The following ARHGAP24 variants were observed in gnomAD, a reference collection of about 807,000 sequenced individuals.
ARHGAP24 encodes Rho GTPase activating protein 24, also known as rho GTPase-activating protein 24.
In ARHGAP24, 50 loss-of-function variants were observed where a neutral mutation model predicts 76.4. The ratio of observed to expected loss-of-function variants is 0.65; its 90% CI spans 0.52 to 0.83. The LOEUF (loss-of-function observed/expected upper bound fraction) is 0.83, where lower values mean the gene tolerates loss of function less well. Ranked by LOEUF, ARHGAP24 falls within the 40% of genes least tolerant of loss-of-function variation. The probability of loss-of-function intolerance (pLI) is 0.00; values close to 1 mark genes in which losing one functional copy is unlikely to be tolerated. For synonymous variants in ARHGAP24, 345 were observed against 323.3 expected (o/e 1.07, Z -0.72); for missense variants, 930 against 914.2 (o/e 1.02, Z -0.22).
intron 1 of ARHGAP24, among the ~76,000 whole-genome samples, chr4:85,492,722 A>G (rs1386441175): frequency 3.3e-5 from 5 of 152,204 alleles, no homozygotes; most frequent in Admixed American, 2.6e-4. Context: ...TTTTTATTTC[A>G]AAATAATTTG....
chr4:85,699,777 G>A (rs1287405497), intron 2 of ARHGAP24, among the ~76,000 whole-genome samples: 1 of 151,948 alleles, frequency 6.6e-6, no homozygotes, highest in East Asian at 1.9e-4. Context: ...TTCATTTTGT[G>A]TATTGTTTAT....
At chr4:85,492,519 T>G (rs1468765392) in intron 1 of ARHGAP24, among the ~76,000 whole-genome samples, 1 of 152,200 alleles carries the variant, frequency 6.6e-6, no homozygotes, top group African/African-American at 2.4e-5. Context: ...AGAGTCAGTC[T>G]GCTCTAACAT....
At chr4:85,806,290 A>T (rs998577735) in intron 3 of ARHGAP24, among the ~76,000 whole-genome samples, 1 of 152,166 alleles carries the variant, frequency 6.6e-6, no homozygotes, top group African/African-American at 2.4e-5. Flanking sequence ...TTCTAAGGGG[A>T]GGTACATCTA....
At chr4:85,788,540 G>GT (rs1279610742) in intron 3 of ARHGAP24, among the ~76,000 whole-genome samples, 1 of 152,162 alleles carries the variant, frequency 6.6e-6, no homozygotes, top group African/African-American at 2.4e-5. Flanking sequence ...GACCATAGAG[G>GT]TGAGAGGATT....
At chr4:85,649,118 C>A (rs958002252) in intron 2 of ARHGAP24, among the ~76,000 whole-genome samples, 2 of 151,858 alleles carry the variant, frequency 1.3e-5, no homozygotes, top group Non-Finnish European at 2.9e-5. Flanking sequence ...CGGCTGATAT[C>A]TTGGAAAGGC....
chr4:85,572,752 C>CAT (rs10659611), intron 2 of ARHGAP24, among the ~76,000 whole-genome samples: 150,133 of 152,176 alleles, frequency 0.99, 74,088 homozygotes, highest in East Asian at 1. Context: ...ACAAACCAAA[C>CAT]AGACCATCAC....
chr4:85,692,526 A>AT (rs540046127), intron 2 of ARHGAP24, among the ~76,000 whole-genome samples: 8 of 151,742 alleles, frequency 5.3e-5, no homozygotes, highest in East Asian at 1.9e-4. Context: ...CATTTAAACA[A>AT]TTTTTTTTTC....
rs1314348011 is a variant in ARHGAP24 at position 85,974,884 on chromosome 4, T to C, written c.733-4T>C. The C allele has an allele frequency of 6.2e-7, 1 of 1,613,212 alleles. No homozygotes were observed. On this transcript the variant is annotated splice_polypyrimidine_tract_variant and splice_region_variant and intron_variant, in intron 6 of 9. Coordinates refer to ENST00000395184, the MANE Select transcript of ARHGAP24 (RefSeq NM_001025616.3). The stretch of plus-strand genomic sequence containing the variant: ...ATAATATTTATTTTCTTCTTTGTAC[T>C]CAGGGTGTTAAGGAATTAGCAAAGC...
chr4:85,620,582 A>G (rs1339964774), intron 2 of ARHGAP24, among the ~76,000 whole-genome samples: 2 of 150,986 alleles, frequency 1.3e-5, no homozygotes, highest in Non-Finnish European at 3.0e-5. Flanking sequence ...AATTTTGCTG[A>G]TTTTTCAGCA....
At chr4:85,898,927 A>G (rs192359463) in intron 3 of ARHGAP24, among the ~76,000 whole-genome samples, 1 of 152,176 alleles carries the variant, frequency 6.6e-6, no homozygotes, top group Admixed American at 6.5e-5. Context: ...TATGTTTAGT[A>G]GAGATGGAGT....
intron 2 of ARHGAP24, among the ~76,000 whole-genome samples, chr4:85,649,284 C>A (rs1461600391): frequency 6.6e-6 from 1 of 152,090 alleles, no homozygotes; most frequent in Non-Finnish European, 1.5e-5. Context: ...TCTTAATCAG[C>A]ATATTAAATC....
At chr4:85,509,881 G>A (rs754649126) in intron 1 of ARHGAP24, among the ~76,000 whole-genome samples, 5 of 151,860 alleles carry the variant, frequency 3.3e-5, no homozygotes, top group South Asian at 4.2e-4. Context: ...TTGTATTATC[G>A]GATGCTGTGA....
chr4:85,577,999 T>C (rs752002544), intron 2 of ARHGAP24, among the ~76,000 whole-genome samples: 1 of 152,164 alleles, frequency 6.6e-6, no homozygotes, highest in African/African-American at 2.4e-5. Context: ...GTGGTAAATA[T>C]CTTAGATTTT....
At chr4:85,964,282 A>G (rs958916571) in intron 5 of ARHGAP24, among the ~76,000 whole-genome samples, 1 of 152,040 alleles carries the variant, frequency 6.6e-6, no homozygotes, top group African/African-American at 2.4e-5. Flanking sequence ...TGGTGAGGCC[A>G]TCCACTGTGA....
chr4:85,767,865 G>A (rs1209228391), intron 3 of ARHGAP24, among the ~76,000 whole-genome samples: 1 of 152,178 alleles, frequency 6.6e-6, no homozygotes, highest in Non-Finnish European at 1.5e-5. Flanking sequence ...GGAATAGAGT[G>A]CATGTTTGTA....
At chr4:85,938,095 C>A (rs1414045468) in intron 4 of ARHGAP24, among the ~76,000 whole-genome samples, 1 of 152,172 alleles carries the variant, frequency 6.6e-6, no homozygotes, top group African/African-American at 2.4e-5. Context: ...TGGTTTCTCT[C>A]TTGTGTGCGC....
intron 3 of ARHGAP24, among the ~76,000 whole-genome samples, chr4:85,794,724 G>T (rs761682522): frequency 6.6e-6 from 1 of 152,284 alleles, no homozygotes; most frequent in South Asian, 2.1e-4. Flanking sequence ...CTCGTGATCT[G>T]CCCACCTCTG....
intron 3 of ARHGAP24, among the ~76,000 whole-genome samples, chr4:85,761,778 G>A (rs1726742437): frequency 6.6e-6 from 1 of 152,148 alleles, no homozygotes; most frequent in South Asian, 2.1e-4. Flanking sequence ...AGGTGCAGCA[G>A]CTGAGGTGAT....
chr4:85,756,351 A>G (rs1480068965), intron 3 of ARHGAP24, among the ~76,000 whole-genome samples: 1 of 152,242 alleles, frequency 6.6e-6, no homozygotes, highest in Non-Finnish European at 1.5e-5. Context: ...CCTTATAAAA[A>G]TCAGAACTTT....
Sources: allele counts gnomAD v4.1 joint callset (sites outside exome capture counted in the v4.1 genomes callset), GRCh38; gene constraint gnomAD v4.1.1; transcripts MANE v1.5; gene names NCBI Gene and HGNC (gene_info 2026-07-23, HGNC 2026-07-21).